The following CSMD3 variants were observed in gnomAD, a reference collection of about 807,000 sequenced individuals.
CSMD3 encodes the protein CUB and sushi domain-containing protein 3.
In CSMD3, 177 loss-of-function variants were observed where a neutral mutation model predicts 435.2. The ratio of observed to expected loss-of-function variants is 0.41; its 90% confidence interval spans 0.36 to 0.46. The LOEUF (loss-of-function observed/expected upper bound fraction) is 0.46. Ranked by LOEUF, CSMD3 falls within the 20% of genes least tolerant of loss-of-function variation. CSMD3 has a pLI of 0.34. For synonymous variants in CSMD3, 1,656 were observed against 1,520.5 expected, an observed-to-expected ratio of 1.09 and a Z score of -2.07; for missense variants, 4,265 against 4,504.6, an observed-to-expected ratio of 0.95 and a Z score of 1.52.
intron 13 of CSMD3, among the ~76,000 whole-genome samples, chr8:112,704,212 C>T (rs1347640032): frequency 2.0e-5 from 3 of 151,750 alleles, no homozygotes; most frequent in Non-Finnish European, 4.4e-5. Context: ...AACTCCTGAC[C>T]TCAATGATCC....
At chr8:112,453,434 T>C (rs1328089479) in intron 32 of CSMD3, among the ~76,000 whole-genome samples, 2 of 152,022 alleles carry the variant, frequency 1.3e-5, no homozygotes, top group Non-Finnish European at 2.9e-5. Context: ...ACAAAATCAA[T>C]GTACAAAAAT....
rs561256324 is a variant in CSMD3 at position 112,527,378 on chromosome 8, A to C, written c.4565-10153T>G. On this transcript the variant is annotated intron_variant, in intron 27 of 70. Transcript: ENST00000297405. ...AAGGGTCAAAAAAGGGTCAAAAAAA[A>C]CCCATAGCATCCAAAATGTATGCAG... Among the ~76,000 whole-genome samples the C allele has an allele frequency of 8.6e-5, 13 of 152,034 alleles. No homozygotes were observed. In the East Asian group the frequency reaches 1.2e-3, roughly 14 times the overall value.
intron 59 of CSMD3, among the ~76,000 whole-genome samples, chr8:112,269,990 G>A (rs1308636155): frequency 6.6e-6 from 1 of 152,080 alleles, no homozygotes; most frequent in Non-Finnish European, 1.5e-5. Flanking sequence ...CACTGGTAGT[G>A]GGCTTAATGA....
chr8:113,308,265 T>TTTTTC, intron 2 of CSMD3, among the ~76,000 whole-genome samples: 1 of 112,626 alleles, frequency 8.9e-6, no homozygotes, highest in Non-Finnish European at 1.8e-5. Flanking sequence ...AGTCTTTTTT[T>TTTTTC]TTTTTTTTTT....
intron 1 of CSMD3, among the ~76,000 whole-genome samples, chr8:113,366,125 G>C (rs555292976): frequency 6.6e-6 from 1 of 152,086 alleles, no homozygotes; most frequent in South Asian, 2.1e-4. Flanking sequence ...AAATATATCA[G>C]TATTTTAGGC....
In CSMD3 at chr8:112,638,865, G is replaced by A. The variant is rs145905619; in HGVS notation, c.3357C>T (p.Asp1119=). The A allele has an allele frequency of 7.4e-6, 12 of 1,613,200 alleles. No individual in the cohort carries two copies. Among genetic ancestry groups the A allele is most frequent in the African/African-American group, 1.3e-5 (1 of 74,860 alleles). ...FHTFHLEDHH[D]YLLITENGSF... ...TGCCATTCTCTGTGATCAGTAAGTA[G>A]TCATGATGGTCTTCCAAATGAAAAG... Residue 1119 remains aspartate (D), a synonymous_variant, in exon 21 of 71, where the codon GAC becomes GAT. Transcript: ENST00000297405.
chr8:112,979,544 GA>G (rs1210344808), intron 6 of CSMD3, among the ~76,000 whole-genome samples: 1 of 151,238 alleles, frequency 6.6e-6, no homozygotes, highest in South Asian at 2.1e-4. Flanking sequence ...GCCAATGCTG[GA>G]AAAAGTCTTA....
At chr8:112,312,801 T>C (rs1563774824) in intron 49 of CSMD3, among the ~76,000 whole-genome samples, 2 of 152,182 alleles carry the variant, frequency 1.3e-5, no homozygotes, top group African/African-American at 4.8e-5. Context: ...TAAATTTGTA[T>C]AAATGAGTAA....
chr8:112,304,963 A>C, intron 51 of CSMD3, 48 bp from the exon 52 acceptor site: 806 of 1,354,972 alleles, frequency 5.9e-4, no homozygotes, highest in Non-Finnish European at 7.4e-4. Context: ...ACTATATCTC[A>C]ACGTCTATTC....
chr8:112,879,229 C>A (rs1364823769), intron 10 of CSMD3, among the ~76,000 whole-genome samples: 1 of 152,090 alleles, frequency 6.6e-6, no homozygotes, highest in Non-Finnish European at 1.5e-5. Context: ...CAGGAGGAAG[C>A]CTCTAAAATG....
At chr8:113,218,935 A>G (rs1330332072) in intron 3 of CSMD3, among the ~76,000 whole-genome samples, 2 of 151,382 alleles carry the variant, frequency 1.3e-5, no homozygotes, top group African/African-American at 4.8e-5. Flanking sequence ...GAAGGGAGCT[A>G]CAATTCAAGA....
intron 10 of CSMD3, among the ~76,000 whole-genome samples, chr8:112,912,774 G>T (rs1297207845): frequency 2.0e-5 from 3 of 151,894 alleles, no homozygotes; most frequent in Admixed American, 2.0e-4. Flanking sequence ...AGGGTGAAGA[G>T]ACAACATATG....
intron 4 of CSMD3, among the ~76,000 whole-genome samples, chr8:113,167,596 T>C (rs950542559): frequency 1.3e-5 from 2 of 152,194 alleles, no homozygotes; most frequent in Admixed American, 1.3e-4. Context: ...GATAGGGCTA[T>C]TGAGTGTTGA....
At chr8:112,283,308 C>G (rs2130601071) in intron 58 of CSMD3, among the ~76,000 whole-genome samples, 1 of 151,624 alleles carries the variant, frequency 6.6e-6, no homozygotes, top group African/African-American at 2.4e-5. Context: ...ATATGTTTGC[C>G]TTTCTTTTGT....
At chr8:112,830,241 G>T (rs1397937892) in intron 11 of CSMD3, among the ~76,000 whole-genome samples, 1 of 152,076 alleles carries the variant, frequency 6.6e-6, no homozygotes, top group Admixed American at 6.6e-5. Context: ...CCATTAAGTA[G>T]TAAAGCTTAA....
chr8:113,394,168 A>ACACACC (rs1554628387), intron 1 of CSMD3, among the ~76,000 whole-genome samples: 6 of 139,058 alleles, frequency 4.3e-5, no homozygotes, highest in Admixed American at 8.6e-5. Flanking sequence ...TTACACACAC[A>ACACACC]CACACACACA....
At chr8:112,330,566 A>AC (rs1248877380) in intron 45 of CSMD3, among the ~76,000 whole-genome samples, 2 of 152,090 alleles carry the variant, frequency 1.3e-5, no homozygotes, top group Non-Finnish European at 2.9e-5. Flanking sequence ...TTCTCTTGGC[A>AC]CAGTGCCCAC....
Position 113,093,318 on chromosome 8 carries a change from G to T in CSMD3, c.917+5438C>A, listed in dbSNP as rs71528433. Among the ~76,000 whole-genome samples, 1,298 of 152,104 alleles carry T rather than the reference G, an allele frequency of 8.5e-3. 8 individuals carry two copies. The highest frequency in any genetic ancestry group is 0.015 in the Non-Finnish European group (995 of 67,930). On this transcript the variant is annotated intron_variant, in intron 5 of 70. Transcript: ENST00000297405. ...AGCTGGGTAGATGCCATCATATACA[G>T]AATGGATGATGGAAGAAAAAAGAAA...
intron 33 of CSMD3, among the ~76,000 whole-genome samples, 175 bp downstream of exon 33, chr8:112,408,744 T>C (rs1832075062): frequency 6.6e-6 from 1 of 152,028 alleles, no homozygotes; most frequent in South Asian, 2.1e-4. Flanking sequence ...GGTTGTATTT[T>C]TCTCAACCTT....
Sources: allele counts gnomAD v4.1 joint callset (sites outside exome capture counted in the v4.1 genomes callset), GRCh38; gene constraint gnomAD v4.1.1; transcripts MANE v1.5; gene names NCBI Gene and HGNC (gene_info 2026-07-23, HGNC 2026-07-21).